The following C4BPB variants were observed in gnomAD, a reference collection of about 807,000 sequenced individuals.
C4BPB encodes the protein complement component 4 binding protein beta, also known as C4b-binding protein beta chain.
C4BPB carries 19 observed loss-of-function variants against 26.6 expected under a neutral mutation model. The observed-to-expected ratio is 0.71, with a 90% CI of 0.50 to 1.05. The LOEUF is 1.05. C4BPB is among the 50% of genes least tolerant of loss of function. The probability of loss-of-function intolerance (pLI) is 0.00; values close to 1 mark genes in which losing one functional copy is unlikely to be tolerated. For missense variants in C4BPB, 282 were observed against 302.9 expected (o/e 0.93, Z 0.51); for synonymous variants, 118 against 103.5 (o/e 1.14, Z -0.85).
intron 5 of C4BPB, 187 bp from the exon 6 acceptor site, chr1:207,097,963 C>T (rs1350619711): frequency 3.7e-6 from 2 of 535,830 alleles, no homozygotes; most frequent in Non-Finnish European, 6.7e-6. Context: ...TCTCCTACCT[C>T]CAGGAAAATG....
At position 207,089,530 on chromosome 1, in the gene C4BPB, A is replaced by G. The variant is rs1417798208; in HGVS notation, c.-2A>G. On this transcript the variant is annotated 5_prime_UTR_variant, in exon 2 of 7. Coordinates refer to ENST00000367078, the MANE Select transcript of C4BPB (RefSeq NM_001017365.3). ...GCCTGGGGAGAGGACTTTGATCACC[A>G]GATGTTTTTTTGGTGTGCGTGCTGT... is the stretch of plus-strand genomic sequence containing the variant. The G allele has an allele frequency of 3.1e-6, 5 of 1,613,808 alleles. No individual in the cohort carries two copies. The highest frequency in any genetic ancestry group is 1.3e-5 in the African/African-American group (1 of 74,868).
In C4BPB at chr1:207,089,574, G is replaced by A; in HGVS notation, c.43G>A (p.Val15Ile). 1 of 1,614,084 alleles carries A rather than the reference G, an allele frequency of 6.2e-7. No individual in the cohort carries two copies. Among genetic ancestry groups the A allele is most frequent in the Non-Finnish European group, 8.5e-7 (1 of 1,179,980 alleles). Reference protein sequence around the residue: ...CACCLMVAWRVSASDAEHCPE... With the variant: ...CACCLMVAWRISASDAEHCPE... ...GTGCTGTCTTATGGTTGCGTGGCGAGTTTCTGCTTCAGATGGTACGTATGC... is the reference window on the plus strand; with the variant it reads ...GTGCTGTCTTATGGTTGCGTGGCGAATTTCTGCTTCAGATGGTACGTATGC... The change falls in exon 2 of 7, where the codon GTT becomes ATT. Residue 15 changes from valine to isoleucine, a missense_variant. Physicochemically the swap from Val to Ile is conservative, Grantham distance 29 (BLOSUM62 3). Transcript: ENST00000367078.
chr1:207,096,722 A>G (rs2102313788), intron 5 of C4BPB, 107 bp downstream of exon 5: 1 of 660,248 alleles, frequency 1.5e-6, no homozygotes, highest in East Asian at 2.7e-5. Context: ...CTACTGCTGC[A>G]GGATTCTAAG....
Position 207,091,650 on chromosome 1 carries a change from A to G in C4BPB, c.239A>G (p.His80Arg). ...DNTTTECRLGHCPDPVLVNGE... is the reference protein window; with the variant it reads ...DNTTTECRLGRCPDPVLVNGE... The stretch of plus-strand genomic sequence containing the variant: ...TGCTTATTTTCTTCTTCAGTGGGCC[A>G]CTGTCCTGATCCTGTGCTGGTGAAT... Residue 80 changes from histidine to arginine, a missense_variant, in exon 4 of 7, where the codon CAC becomes CGC. Coordinates refer to ENST00000367078, the MANE Select transcript of C4BPB (RefSeq NM_001017365.3). 1 of 1,612,954 alleles carries G rather than the reference A, an allele frequency of 6.2e-7. No homozygotes were observed. The highest frequency in any genetic ancestry group is 8.5e-7 in the Non-Finnish European group (1 of 1,179,552).
Position 207,098,195 on chromosome 1 carries a change from G to A in C4BPB, c.549G>A (p.Glu183=), listed in dbSNP as rs1166555189. 1.9e-6 allele frequency: 3 copies of A among 1,614,142 alleles called. No individual in the cohort carries two copies. Among genetic ancestry groups the A allele is most frequent in the Non-Finnish European group, 2.5e-6 (3 of 1,179,956 alleles). The change falls in exon 6 of 7, where the codon GAG becomes GAA. Residue 183 remains glutamate (E), a synonymous_variant. Coordinates refer to ENST00000367078, the MANE Select transcript of C4BPB (RefSeq NM_001017365.3). ...GVQEQQCVDG[E]WSSALPVCKL... is the part of the protein sequence containing the mutation. ...AGGAGCAGCAATGCGTTGATGGGGA[G>A]TGGAGCAGTGCACTTCCAGTCTGCA...
At chr1:207,090,844 CAT>C (rs1349018792) in intron 3 of C4BPB, among the ~76,000 whole-genome samples, 1 of 152,140 alleles carries the variant, frequency 6.6e-6, no homozygotes, top group Non-Finnish European at 1.5e-5. Context: ...CAAATTCACT[CAT>C]ATAGACTCAT....
chr1:207,096,394 T>A lies in C4BPB; in HGVS notation c.410-128T>A, dbSNP rs1684250074. ...GATCCCGCAGGTGTTGCTGTGAGGA[T>A]GTCAGGTGCTGGCGCAGGTGTTGCT... On this transcript the variant is annotated intron_variant, in intron 4 of 6. Transcript: ENST00000367078. The A allele has an allele frequency of 7.2e-6, 5 of 696,290 alleles. No homozygotes were observed. The South Asian group carries it at 7.8e-5, about 11-fold the overall frequency. 43.1% of individuals were successfully genotyped at this position (696,290 alleles called of 1,614,324 possible).
At chr1:207,097,611 A>G (rs1485307702) in intron 5 of C4BPB, among the ~76,000 whole-genome samples, 1 of 152,118 alleles carries the variant, frequency 6.6e-6, no homozygotes, top group East Asian at 1.9e-4. Context: ...AGAAATATAA[A>G]GACTTAGTGT....
In C4BPB at chr1:207,099,782, T is replaced by G; in HGVS notation, c.619-7T>G. The G allele has an allele frequency of 6.2e-7, 1 of 1,607,658 alleles. No individual in the cohort carries two copies. Among genetic ancestry groups the G allele is most frequent in the Non-Finnish European group, 8.5e-7 (1 of 1,178,028 alleles). ...GTTGTAACTTGTGAAAAATTTTCTT[T>G]CTTCAGCTTGCCTTTCAGGAGAGTA... On this transcript the variant is annotated splice_polypyrimidine_tract_variant and splice_region_variant and intron_variant, in intron 6 of 6. Transcript: ENST00000367078.
chr1:207,098,430 T>A (rs1684343636), intron 6 of C4BPB, among the ~76,000 whole-genome samples, 166 bp downstream of exon 6: 1 of 152,242 alleles, frequency 6.6e-6, no homozygotes, highest in Admixed American at 6.5e-5. Flanking sequence ...TTAACTCACA[T>A]TTTTATAAAT....
At chr1:207,096,201 A>T in intron 4 of C4BPB, 1 of 314,174 alleles carries the variant, frequency 3.2e-6, no homozygotes, top group Non-Finnish European at 6.0e-6. Flanking sequence ...CTTTTCTTGT[A>T]CATTAACAAT....
intron 2 of C4BPB, among the ~76,000 whole-genome samples, 181 bp downstream of exon 2, chr1:207,089,770 T>C (rs1161321206): frequency 6.6e-6 from 1 of 152,192 alleles, no homozygotes; most frequent in Non-Finnish European, 1.5e-5. Flanking sequence ...CATTTAATGA[T>C]AACCCTGATC....
At chr1:207,092,694 C>T (rs553649049) in intron 4 of C4BPB, among the ~76,000 whole-genome samples, 2 of 138,532 alleles carry the variant, frequency 1.4e-5, no homozygotes, top group South Asian at 2.3e-4. Flanking sequence ...GTGGTGTGAT[C>T]TCGGCTCACT....
intron 4 of C4BPB, chr1:207,095,348 T>A (rs1558078208): frequency 6.6e-6 from 3 of 456,690 alleles, no homozygotes; most frequent in Non-Finnish European, 1.3e-5. Flanking sequence ...CTTTTTCTTT[T>A]GAGACAGAGT....
chr1:207,090,074 A>G (rs1683962378), intron 2 of C4BPB, among the ~76,000 whole-genome samples: 1 of 152,194 alleles, frequency 6.6e-6, no homozygotes, highest in African/African-American at 2.4e-5. Flanking sequence ...GATCGAGACC[A>G]TCCTGGCTAA....
At chr1:207,092,784 G>A (rs1205067533) in intron 4 of C4BPB, among the ~76,000 whole-genome samples, 10 of 151,670 alleles carry the variant, frequency 6.6e-5, no homozygotes, top group Admixed American at 5.9e-4. Flanking sequence ...CTGCCACCAC[G>A]CCCAGCTAAT....
chr1:207,089,175 T>C (rs1295335283), intron 1 of C4BPB: 1 of 245,156 alleles, frequency 4.1e-6, no homozygotes, highest in Non-Finnish European at 7.8e-6. Flanking sequence ...GCAAGACCAT[T>C]TGGCCCATGT....
At chr1:207,091,983 C>T in intron 4 of C4BPB, 163 bp downstream of exon 4, 2 of 605,360 alleles carry the variant, frequency 3.3e-6, no homozygotes, top group Non-Finnish European at 5.7e-6. Context: ...AGAACCAAAT[C>T]TCACCTCAAG....
rs181873268 is a variant in C4BPB, at chr1:207,095,952, C to T, written c.410-570C>T. 5.9e-5 allele frequency: 10 copies of T among 170,158 alleles called. No homozygotes were observed. In the East Asian group the frequency reaches 1.1e-3, roughly 19 times the overall value. 10.5% of individuals were successfully genotyped at this position (170,158 alleles called of 1,614,324 possible). A position where few individuals can be genotyped will look rare whatever the true frequency, so the allele number is the denominator to read the frequency against. ...AGTTTTCCGAGGCCTCCCCAGAAGCCGAGCAGATGCCAGCACCATGTTTCC... is the reference window on the plus strand; with the variant it reads ...AGTTTTCCGAGGCCTCCCCAGAAGCTGAGCAGATGCCAGCACCATGTTTCC... On this transcript the variant is annotated intron_variant, in intron 4 of 6. Transcript: ENST00000367078.
Sources: allele counts gnomAD v4.1 joint callset (sites outside exome capture counted in the v4.1 genomes callset), GRCh38; gene constraint gnomAD v4.1.1; transcripts MANE v1.5; gene names NCBI Gene and HGNC (gene_info 2026-07-23, HGNC 2026-07-21).